The following ROBO2 variants were observed in gnomAD, a reference collection of about 807,000 sequenced individuals.
ROBO2 encodes the protein roundabout homolog 2.
ROBO2 carries 53 observed loss-of-function variants against 160.8 expected under a neutral mutation model. The observed-to-expected ratio is 0.33, with a 90% CI of 0.26 to 0.41. The LOEUF is 0.41. Among genes scored for constraint, ROBO2 ranks in the 10% least tolerant of loss-of-function variants. The probability of loss-of-function intolerance (pLI) is 1.00; values close to 1 mark genes in which losing one functional copy is unlikely to be tolerated. For synonymous variants in ROBO2, 664 were observed against 611.7 expected (o/e 1.09, Z -1.26); for missense variants, 1,577 against 1,722.4 (o/e 0.92, Z 1.49).
chr3:77,165,449 A>G lies in ROBO2; in HGVS notation c.388+67109A>G, dbSNP rs2078986944. 2.0e-5 allele frequency among the ~76,000 whole-genome samples: 3 copies of G among 148,598 alleles called. No individual in the cohort carries two copies. The South Asian group carries it at 6.6e-4, about 33-fold the overall frequency. On this transcript the variant is annotated intron_variant, in intron 2 of 25. Coordinates refer to ENST00000461745, the Ensembl canonical transcript of ROBO2. ...CGGAAGGCCGCAGGGTCCTCTGCCT[A>G]GGAAAACCAGAGACCTTTGTTCACT... is the stretch of plus-strand genomic sequence containing the variant.
intron 1 of ROBO2, among the ~76,000 whole-genome samples, chr3:75,924,676 C>CTTTTATTTTTT (rs1198389699): frequency 1.6e-5 from 1 of 62,402 alleles, no homozygotes; most frequent in African/African-American, 5.8e-5. Context: ...AATTTATTTT[C>CTTTTATTTTTT]TTTTCTTTTT....
At chr3:76,614,561 A>C (rs1390454709) in intron 2 of ROBO2, among the ~76,000 whole-genome samples, 1 of 151,758 alleles carries the variant, frequency 6.6e-6, no homozygotes, top group Admixed American at 6.6e-5. Context: ...ATGTTTGCCC[A>C]CTCTTTCTGC....
intron 2 of ROBO2, among the ~76,000 whole-genome samples, chr3:76,059,819 T>G (rs1038345459): frequency 1.3e-5 from 2 of 152,200 alleles, no homozygotes; most frequent in African/African-American, 4.8e-5. Flanking sequence ...CTTGAATTAA[T>G]TTTTGTATAA....
chr3:77,072,311 T>A (rs1167743064), intron 1 of ROBO2, among the ~76,000 whole-genome samples: 4 of 152,132 alleles, frequency 2.6e-5, no homozygotes, highest in Non-Finnish European at 5.9e-5. Context: ...TATATTACAA[T>A]GTAATAATAA....
intron 2 of ROBO2, among the ~76,000 whole-genome samples, chr3:76,482,693 T>G (rs2079277590): frequency 6.6e-6 from 1 of 152,152 alleles, no homozygotes; most frequent in Admixed American, 6.6e-5. Flanking sequence ...TGACCCAATT[T>G]TCCATTTTGC....
At chr3:76,112,967 G>A (rs1438040935) in intron 2 of ROBO2, among the ~76,000 whole-genome samples, 1 of 151,430 alleles carries the variant, frequency 6.6e-6, no homozygotes, top group Non-Finnish European at 1.5e-5. Context: ...GATTGATTGA[G>A]GAAATTTCCT....
chr3:76,485,952 AAATG>A (rs1301826348), intron 2 of ROBO2, among the ~76,000 whole-genome samples: 2 of 152,210 alleles, frequency 1.3e-5, no homozygotes, highest in African/African-American at 4.8e-5. Context: ...GGAAGAAAGA[AAATG>A]AAAGAATTAT....
intron 2 of ROBO2, among the ~76,000 whole-genome samples, chr3:76,938,971 CAAAAAAAAAAA>C (rs71629626): frequency 8.7e-6 from 1 of 114,584 alleles, no homozygotes. Context: ...AACTCAGTCT[CAAAAAAAAAAA>C]AAAAAAAAAA....
At position 76,672,823 on chromosome 3, in the gene ROBO2, T is replaced by G. The variant is rs116541961; in HGVS notation, c.110-425191T>G. Among the ~76,000 whole-genome samples the G allele has an allele frequency of 7.1e-3, 1,081 of 152,320 alleles. 13 individuals carry two copies. The highest frequency in any genetic ancestry group is 0.025 in the African/African-American group (1,032 of 41,574). On this transcript the variant is annotated intron_variant, in intron 2 of 26. Transcript: ENST00000487694. Reference sequence around the variant, plus strand: ...GATTGTTTAAAGCCAGCTACTTCTATGTATAACATGAAAAGTATTGCAAAT... The same window carrying G: ...GATTGTTTAAAGCCAGCTACTTCTAGGTATAACATGAAAAGTATTGCAAAT...
chr3:76,702,128 T>C (rs1023271227), intron 2 of ROBO2, among the ~76,000 whole-genome samples: 1 of 152,044 alleles, frequency 6.6e-6, no homozygotes, highest in African/African-American at 2.4e-5. Context: ...AACCTATAAT[T>C]AGCTCTTTAA....
At chr3:77,031,670 T>C (rs1361632988) in intron 2 of ROBO2, among the ~76,000 whole-genome samples, 2 of 146,844 alleles carry the variant, frequency 1.4e-5, no homozygotes, top group African/African-American at 2.5e-5. Context: ...ATATATAATA[T>C]ATTAAATTTA....
intron 2 of ROBO2, among the ~76,000 whole-genome samples, chr3:76,537,535 C>T (rs1363623606): frequency 6.6e-6 from 1 of 152,054 alleles, no homozygotes; most frequent in African/African-American, 2.4e-5. Context: ...AAAAAGACCA[C>T]TTACCCGATT....
intron 2 of ROBO2, among the ~76,000 whole-genome samples, chr3:77,194,831 G>A (rs2082170409): frequency 6.6e-6 from 1 of 152,106 alleles, no homozygotes; most frequent in South Asian, 2.1e-4. Context: ...TGAAGGAATA[G>A]TTATAGTATA....
intron 2 of ROBO2, among the ~76,000 whole-genome samples, chr3:76,610,401 C>T (rs553109591): frequency 6.6e-6 from 1 of 152,274 alleles, no homozygotes; most frequent in Admixed American, 6.5e-5. Flanking sequence ...GTGCTCAGCC[C>T]ACAGCTGGAA....
chr3:76,745,758 C>G (rs2093875325), intron 2 of ROBO2, among the ~76,000 whole-genome samples: 2 of 151,276 alleles, frequency 1.3e-5, no homozygotes, highest in African/African-American at 4.8e-5. Context: ...CTGAGTAACT[C>G]TCTTCTAAAA....
intron 2 of ROBO2, among the ~76,000 whole-genome samples, chr3:77,171,391 G>C (rs1047325067): frequency 2.0e-5 from 3 of 152,066 alleles, no homozygotes; most frequent in African/African-American, 7.2e-5. Flanking sequence ...GAAATTTTGG[G>C]AAGTTTAGAG....
chr3:77,252,831 A>AAAAAAAAAAAAATATATATATAT, intron 2 of ROBO2, among the ~76,000 whole-genome samples: 1 of 12,524 alleles, frequency 8.0e-5, no homozygotes, highest in African/African-American at 1.6e-4. Flanking sequence ...AAAAAAAAAA[A>AAAAAAAAAAAAATATATATATAT]ATATATATAT....
Position 75,950,736 on chromosome 3 carries a change from G to A in ROBO2, c.109+13134G>A, listed in dbSNP as rs1253260157. On this transcript the variant is annotated intron_variant, in intron 2 of 26. Coordinates refer to the ROBO2 transcript ENST00000487694. ...GCATGGATATTCTCTGGATGCTCCA[G>A]TTTCCTCTCACTTCCCAAGGCTGTG... is the stretch of plus-strand genomic sequence containing the variant. Among the ~76,000 whole-genome samples the A allele has an allele frequency of 2.0e-5, 3 of 152,002 alleles. 1 individual carries two copies. Among genetic ancestry groups the A allele is most frequent in the Admixed American group, 1.3e-4 (2 of 15,230 alleles).
At chr3:76,978,968 G>T (rs952532009) in intron 2 of ROBO2, among the ~76,000 whole-genome samples, 2 of 151,428 alleles carry the variant, frequency 1.3e-5, no homozygotes, top group Non-Finnish European at 2.9e-5. Context: ...AGAAAAACAG[G>T]GTCTTGCCCT....
Sources: gnomAD v4.1 joint callset for allele counts (sites outside exome capture counted in the v4.1 genomes callset) on GRCh38, gnomAD v4.1.1 for gene constraint, MANE v1.5 for transcripts, NCBI Gene and HGNC (gene_info 2026-07-23, HGNC 2026-07-21) for gene names.